SP110: variants seen among roughly 807,000 people sequenced by gnomAD.
The protein encoded by SP110 is interferon-induced protein 41, 30kD.
Under a neutral mutation model 92.7 loss-of-function variants are expected in SP110, and 62 were observed. The observed-to-expected ratio is 0.67, with a 90% CI of 0.55 to 0.83. The LOEUF (loss-of-function observed/expected upper bound fraction) is 0.83, where lower values mean the gene tolerates loss of function less well. Ranked by LOEUF, SP110 falls within the 40% of genes least tolerant of loss-of-function variation. The pLI is 0.00. For synonymous variants in SP110, 273 were observed against 305.3 expected, an observed-to-expected ratio of 0.89 and a Z score of 1.10; for missense variants, 793 against 863.9, an observed-to-expected ratio of 0.92 and a Z score of 1.03.
At chr2:230,209,845 G>C (rs2044275354) in intron 7 of SP110, 86 bp downstream of exon 7, 8 of 824,640 alleles carry the variant, frequency 9.7e-6, no homozygotes, top group Non-Finnish European at 1.7e-5. Flanking sequence ...TCACATAGTG[G>C]TGCTCTTGAC....
rs148076294 is a variant in SP110, at chr2:230,186,023, G to A, written c.1250C>T (p.Thr417Ile). 2 of 1,614,102 alleles carry A rather than the reference G, an allele frequency of 1.2e-6. No individual in the cohort carries two copies. Among genetic ancestry groups the A allele is most frequent in the Admixed American group, 1.7e-5 (1 of 60,018 alleles). Residue 417 changes from threonine (T) to isoleucine (I), a missense_variant, in exon 11 of 19, where the codon ACT becomes ATT. Thr to Ile is a moderately conservative substitution (Grantham distance 89). Transcript: ENST00000258381. Reference sequence around the variant, plus strand: ...CAATCTGGACTTTCGGGCACATTTAGTTCTTGCCTTTTGGACCCTCATCAT... The same window carrying A: ...CAATCTGGACTTTCGGGCACATTTAATTCTTGCCTTTTGGACCCTCATCAT... Reference protein sequence around the residue: ...EVMMRVQKARTKCARKSRLKE... With the variant: ...EVMMRVQKARIKCARKSRLKE...
intron 12 of SP110, among the ~76,000 whole-genome samples, chr2:230,181,610 AAGC>A (rs1234408542): frequency 6.6e-6 from 1 of 152,188 alleles, no homozygotes; most frequent in Admixed American, 6.5e-5. Flanking sequence ...TACAAGAAAA[AAGC>A]AAACAACACC....
rs1405244706 is a variant in SP110 at position 230,207,981 on chromosome 2, C to G, written c.898+10G>C. ...CCAGCCTCCAGCTTCCTCTTGTACT[C>G]TCATCTTACCTCCTGGGAGGCTTTT... On this transcript the variant is annotated intron_variant, in intron 8 of 18. Coordinates refer to ENST00000258381, the MANE Select transcript of SP110 (RefSeq NM_080424.4). 5 of 1,420,764 alleles carry G rather than the reference C, an allele frequency of 3.5e-6. No homozygotes were observed. Among genetic ancestry groups the G allele is most frequent in the East Asian group, 4.6e-5 (2 of 43,812 alleles). The allele number at this position is 1,420,764 out of a possible 1,614,324, so 88.0% of individuals were successfully genotyped here.
At chr2:230,199,586 A>G (rs1244322149) in intron 10 of SP110, among the ~76,000 whole-genome samples, 1 of 152,020 alleles carries the variant, frequency 6.6e-6, no homozygotes, top group East Asian at 1.9e-4. Context: ...AAAAAGTGAA[A>G]TCATGATTTT....
chr2:230,186,168 GT>G (rs747787452), intron 10 of SP110, 25 bp from the exon 11 acceptor site: 2 of 1,613,082 alleles, frequency 1.2e-6, no homozygotes, highest in Non-Finnish European at 8.5e-7. Context: ...CTTGTGAATA[GT>G]TTAGTGAGCT....
intron 11 of SP110, among the ~76,000 whole-genome samples, chr2:230,183,893 C>T (rs191507236): frequency 6.3e-4 from 96 of 152,310 alleles, no homozygotes; most frequent in African/African-American, 2.2e-3. Flanking sequence ...ACATTTACTA[C>T]AAATACTAGA....
intron 1 of SP110, chr2:230,219,633 G>A (rs2045612232): frequency 2.0e-5 from 3 of 152,246 alleles, no homozygotes; most frequent in Admixed American, 1.3e-4. Context: ...GGTGAGGGTA[G>A]AGGGCAAATC....
intron 8 of SP110, among the ~76,000 whole-genome samples, chr2:230,204,321 C>A (rs1339691814): frequency 6.6e-6 from 1 of 152,176 alleles, no homozygotes; most frequent in Non-Finnish European, 1.5e-5. Context: ...CATTCCCTGT[C>A]TCCCTAATCC....
At position 230,211,642 on chromosome 2, in the gene SP110, T is replaced by C. The variant is rs2044491002; in HGVS notation, c.668-89A>G. 1 of 856,674 alleles carries C rather than the reference T, an allele frequency of 1.2e-6. No homozygotes were observed. Among genetic ancestry groups the C allele is most frequent in the East Asian group, 2.4e-5 (1 of 41,218 alleles). The allele number at this position is 856,674 out of a possible 1,614,324, so 53.1% of individuals were successfully genotyped here. ...AAAGAGAATGCTCTATTCCAACAAG[T>C]AAAAATGACGGGGTAACAGCAACCA... is the stretch of plus-strand genomic sequence containing the variant. On this transcript the variant is annotated intron_variant, in intron 5 of 18. Transcript: ENST00000258381. The surrounding 1 kb of genome is among the most constrained non-coding windows in gnomAD (Gnocchi z 4.2).
At chr2:230,170,833 A>G (rs2078420077) in intron 17 of SP110, 72 bp from the exon 18 acceptor site, 11 of 1,470,874 alleles carry the variant, frequency 7.5e-6, no homozygotes, top group South Asian at 1.1e-5. Context: ...CTTAAATACA[A>G]TCCAAGCCTT....
chr2:230,207,795 C>T (rs2044032861), intron 8 of SP110, among the ~76,000 whole-genome samples, 196 bp downstream of exon 8: 1 of 152,196 alleles, frequency 6.6e-6, no homozygotes, highest in Admixed American at 6.5e-5. Flanking sequence ...GGCTGCCCTG[C>T]CTCCATTCTT....
At chr2:230,186,703 A>G (rs1289617810) in intron 10 of SP110, among the ~76,000 whole-genome samples, 2 of 152,034 alleles carry the variant, frequency 1.3e-5, no homozygotes, top group Non-Finnish European at 2.9e-5. Context: ...ATCACTCTGT[A>G]TGCCTTTGAG....
At chr2:230,220,743 C>G (rs2045743454), upstream of SP110, among the ~76,000 whole-genome samples, 10 of 152,256 alleles carry the variant, frequency 6.6e-5, 1 homozygote, top group South Asian at 2.1e-3. Flanking sequence ...GTGGCTCATG[C>G]CTATAATCCC....
upstream of SP110, among the ~76,000 whole-genome samples, chr2:230,224,489 GAGAGGGAGAC>G (rs1559195910): frequency 2.7e-5 from 4 of 150,594 alleles, no homozygotes; most frequent in Non-Finnish European, 3.0e-5. Context: ...GAGAGGGAGA[GAGAGGGAGAC>G]AGAGGAGAGA....
chr2:230,173,863 T>A (rs932901548), intron 14 of SP110: 2 of 152,190 alleles, frequency 1.3e-5, no homozygotes, highest in African/African-American at 4.8e-5. Context: ...TTTCAACAGA[T>A]CTCAGCTGCA....
chr2:230,223,579 C>T (rs1243072550), upstream of SP110, among the ~76,000 whole-genome samples: 1 of 152,094 alleles, frequency 6.6e-6, no homozygotes, highest in East Asian at 1.9e-4. Flanking sequence ...ATGTTGGGCA[C>T]CAGAGGTTGA....
intron 10 of SP110, among the ~76,000 whole-genome samples, chr2:230,195,125 A>G (rs2042809159): frequency 1.3e-5 from 2 of 151,888 alleles, no homozygotes; most frequent in Non-Finnish European, 2.9e-5. Context: ...GAAAAAACCC[A>G]CATCTTTTAT....
rs184331406 is a variant in SP110, at chr2:230,167,412, C to G, written c.*1712G>C. The stretch of plus-strand genomic sequence containing the variant: ...CAGGTGTGAGCCACTGTGCCCAGCC[C>G]GAAGAAGCTTTATCTGATCTGAACC... On this transcript the variant is annotated 3_prime_UTR_variant, in exon 19 of 19. Coordinates refer to ENST00000258381, the MANE Select transcript of SP110 (RefSeq NM_080424.4). The G allele has an allele frequency of 1.3e-5, 2 of 152,200 alleles. No individual in the cohort carries two copies. The highest frequency in any genetic ancestry group is 2.9e-5 in the Non-Finnish European group (2 of 68,256). The allele number at this position is 152,200 out of a possible 1,614,324, so 9.4% of individuals were successfully genotyped here. A position where few individuals can be genotyped will look rare whatever the true frequency, so the allele number is the denominator to read the frequency against.
At chr2:230,199,301 TG>T (rs1351440016) in intron 10 of SP110, among the ~76,000 whole-genome samples, 1 of 144,606 alleles carries the variant, frequency 6.9e-6, no homozygotes, top group African/African-American at 2.6e-5. Context: ...CTCTGCCTCC[TG>T]GGTTCAAGCG....
Sources: gnomAD v4.1 joint callset for allele counts (sites outside exome capture counted in the v4.1 genomes callset) on GRCh38, gnomAD v4.1.1 for gene constraint, Gnocchi (gnomAD v3.1) non-coding constraint, MANE v1.5 for transcripts, NCBI Gene and HGNC (gene_info 2026-07-23, HGNC 2026-07-21) for gene names.